Variants in GABRR2 observed in about 807,000 individuals in gnomAD.
GABRR2 encodes the protein gamma-aminobutyric acid receptor subunit rho-2.
A neutral mutation model predicts 47.0 loss-of-function variants in GABRR2; 36 were observed. The ratio of observed to expected loss-of-function variants is 0.77; its 90% CI spans 0.59 to 1.01. GABRR2 has a LOEUF of 1.01. GABRR2 is among the 50% of genes least tolerant of loss of function. GABRR2 has a pLI of 0.00. For synonymous variants in GABRR2, 204 were observed against 227.5 expected (o/e 0.90, Z 0.93); for missense variants, 587 against 594.6 (o/e 0.99, Z 0.13).
chr6:89,301,938 C>G lies in GABRR2; in HGVS notation c.114-2073G>C, dbSNP rs1041428632. 8 of 983,982 alleles carry G rather than the reference C, an allele frequency of 8.1e-6. No homozygotes were observed. The African/African-American group carries it at 1.1e-4, about 14-fold the overall frequency. 61.0% of individuals were successfully genotyped at this position (983,982 alleles called of 1,614,324 possible). On this transcript the variant is annotated intron_variant, in intron 1 of 8. Coordinates refer to ENST00000402938, the MANE Select transcript of GABRR2 (RefSeq NM_002043.5). ...TGGAGCAGATCAGCATCTACTACAACGAGGCCTCTTCTCATAAGTATGTGC... is the reference window on the plus strand; with the variant it reads ...TGGAGCAGATCAGCATCTACTACAAGGAGGCCTCTTCTCATAAGTATGTGC...
At chr6:89,308,721 C>A (rs559514961) in intron 1 of GABRR2, among the ~76,000 whole-genome samples, 81 of 152,284 alleles carry the variant, frequency 5.3e-4, no homozygotes, top group Middle Eastern at 3.4e-3. Flanking sequence ...TAGTTCCTCC[C>A]ATCAACCTTG....
At chr6:89,288,303 CAG>C (rs1329717854) in intron 2 of GABRR2, among the ~76,000 whole-genome samples, 6 of 151,652 alleles carry the variant, frequency 4.0e-5, no homozygotes, top group Admixed American at 3.3e-4. Flanking sequence ...TAGAGGGGAT[CAG>C]AGAGAGGGGA....
In GABRR2 at chr6:89,257,757, A is replaced by G. The variant is rs2127822213; in HGVS notation, c.1311T>C (p.Asn437=). 2 of 1,613,908 alleles carry G rather than the reference A, an allele frequency of 1.2e-6. No individual in the cohort carries two copies. The highest frequency in any genetic ancestry group is 1.7e-6 in the Non-Finnish European group (2 of 1,179,764). The part of the protein sequence containing the change: ...KGQTGFRIFQ[N]THAIDKYSRL... ...TAGAGTATTTGTCAATGGCATGGGT[A>G]TTCTGGAAGATACGAAAACCCGTCT... Residue 437 remains asparagine (N), a synonymous_variant, in exon 9 of 9, where the codon AAT becomes AAC. Transcript: ENST00000402938.
intron 1 of GABRR2, chr6:89,302,191 G>A (rs1240223415): frequency 1.3e-5 from 7 of 554,600 alleles, no homozygotes; most frequent in South Asian, 9.4e-5. Flanking sequence ...TGACCCTCTC[G>A]CTGGGCGGGG....
intron 8 of GABRR2, among the ~76,000 whole-genome samples, chr6:89,261,141 C>G (rs937033891): frequency 6.6e-6 from 1 of 152,154 alleles, no homozygotes; most frequent in Non-Finnish European, 1.5e-5. Flanking sequence ...GCCGGTGAAC[C>G]GTTCGTTTGT....
chr6:89,306,927 T>G (rs1268868872), intron 1 of GABRR2, among the ~76,000 whole-genome samples: 4 of 152,200 alleles, frequency 2.6e-5, no homozygotes, highest in African/African-American at 7.2e-5. Flanking sequence ...TCTTATAGGC[T>G]TTTGGTTTGT....
rs139874532 is a variant in GABRR2 at position 89,278,165 on chromosome 6, TA to T, written c.221-6444del. Among the ~76,000 whole-genome samples, 768 of 152,336 alleles carry T rather than the reference TA, an allele frequency of 5.0e-3. 4 individuals carry two copies. The highest frequency in any genetic ancestry group is 0.016 in the South Asian group (78 of 4,828). On this transcript the variant is annotated intron_variant, in intron 2 of 8. Coordinates refer to ENST00000402938, the MANE Select transcript of GABRR2 (RefSeq NM_002043.5). ...TCATCTTATGGATGAATATGTACGG[TA>T]TGCTTTCATTTATATACAATTCCAA...
Position 89,256,972 on chromosome 6 carries a change from A to G in GABRR2, c.*698T>C, listed in dbSNP as rs1773612531. 6.6e-6 allele frequency among the ~76,000 whole-genome samples: 1 copy of G among 152,196 alleles called. No homozygotes were observed. The highest frequency in any genetic ancestry group is 6.5e-5 in the Admixed American group (1 of 15,284). On this transcript the variant is annotated 3_prime_UTR_variant, in exon 9 of 9. Transcript: ENST00000402938. ...TAAGCGGGGTTGAAGGAGGGGAAAG[A>G]GCAGAAGTACATCATGCCATATGTA...
chr6:89,267,542 G>T, intron 6 of GABRR2, 137 bp downstream of exon 6: 1 of 835,260 alleles, frequency 1.2e-6, no homozygotes, highest in Non-Finnish European at 1.8e-6. Flanking sequence ...ACTCCAGCTT[G>T]GGAGACAGAG....
At chr6:89,301,800 C>T (rs558542441) in intron 1 of GABRR2, 633 of 858,634 alleles carry the variant, frequency 7.4e-4, no homozygotes, top group Non-Finnish European at 1.0e-3. Context: ...AGATCCTGCA[C>T]ATTCAGGCCG....
At position 89,291,276 on chromosome 6, in the gene GABRR2, C is replaced by T. The variant is rs185534594; in HGVS notation, c.220+8483G>A. On this transcript the variant is annotated intron_variant, in intron 2 of 8. Coordinates refer to ENST00000402938, the MANE Select transcript of GABRR2 (RefSeq NM_002043.5). ...ATCCCTGAAGGGCCCAGCCCGTGCC[C>T]TGCATCCAACCTCAGCCCGTCTAGC... Among the ~76,000 whole-genome samples, 52 of 152,280 alleles carry T rather than the reference C, an allele frequency of 3.4e-4. No individual in the cohort carries two copies. The East Asian group carries it at 9.6e-3, about 28-fold the overall frequency.
intron 1 of GABRR2, among the ~76,000 whole-genome samples, chr6:89,311,402 T>C (rs1364056543): frequency 6.6e-6 from 1 of 152,168 alleles, no homozygotes; most frequent in Non-Finnish European, 1.5e-5. Flanking sequence ...CCAGAGTTTT[T>C]TTAAGAGATC....
At chr6:89,306,700 C>T (rs746838261) in intron 1 of GABRR2, among the ~76,000 whole-genome samples, 3 of 152,020 alleles carry the variant, frequency 2.0e-5, no homozygotes, top group East Asian at 1.9e-4. Flanking sequence ...CTTTCCAGAT[C>T]ATTTTCTTCA....
chr6:89,274,151 A>T (rs1308926263), intron 2 of GABRR2, among the ~76,000 whole-genome samples: 1 of 152,252 alleles, frequency 6.6e-6, no homozygotes, highest in Non-Finnish European at 1.5e-5. Context: ...GAGAAATTTG[A>T]TAAAAACTGC....
intron 2 of GABRR2, among the ~76,000 whole-genome samples, chr6:89,286,452 A>G (rs1774335957): frequency 6.6e-6 from 1 of 152,208 alleles, no homozygotes; most frequent in Non-Finnish European, 1.5e-5. Flanking sequence ...GTGAGGTGAT[A>G]CATTTATAAG....
chr6:89,291,015 C>T (rs1774431143), intron 2 of GABRR2, among the ~76,000 whole-genome samples: 1 of 152,188 alleles, frequency 6.6e-6, no homozygotes, highest in African/African-American at 2.4e-5. Flanking sequence ...AGGCTCTCTT[C>T]AATGACCCCT....
chr6:89,285,947 C>T (rs1018852074), intron 2 of GABRR2, among the ~76,000 whole-genome samples: 11 of 151,926 alleles, frequency 7.2e-5, no homozygotes, highest in African/African-American at 2.7e-4. Context: ...AGCTCTCGCC[C>T]GACTCCTCCT....
intron 3 of GABRR2, among the ~76,000 whole-genome samples, chr6:89,271,436 T>G (rs1026738399): frequency 2.0e-5 from 3 of 152,176 alleles, no homozygotes; most frequent in African/African-American, 7.2e-5. Context: ...TCAGGAAGTG[T>G]GAAATGGGGC....
chr6:89,258,978 T>G (rs1408838182), intron 8 of GABRR2, among the ~76,000 whole-genome samples: 1 of 151,294 alleles, frequency 6.6e-6, no homozygotes, highest in East Asian at 2.0e-4. Flanking sequence ...CAATGTTGGA[T>G]CTAGGTGCTA....
Sources: gnomAD v4.1 joint callset for allele counts (sites outside exome capture counted in the v4.1 genomes callset) on GRCh38, gnomAD v4.1.1 for gene constraint, MANE v1.5 for transcripts, NCBI Gene and HGNC (gene_info 2026-07-23, HGNC 2026-07-21) for gene names.